The following DHX16 variants were observed in gnomAD, a reference collection of about 807,000 sequenced individuals.
The protein encoded by DHX16 is pre-mRNA-splicing factor ATP-dependent RNA helicase DHX16.
Under a neutral mutation model 131.2 loss-of-function variants are expected in DHX16, and 81 were observed. The ratio of observed to expected loss-of-function variants is 0.62; its 90% confidence interval spans 0.52 to 0.74. The LOEUF (loss-of-function observed/expected upper bound fraction) is 0.74. Among genes scored for constraint, DHX16 ranks in the 30% least tolerant of loss-of-function variants. DHX16 has a pLI of 0.00. For missense variants in DHX16, 980 were observed against 1,363.1 expected (o/e 0.72, Z 4.43); for synonymous variants, 440 against 520.2 (o/e 0.85, Z 2.10).
chr6:30,660,438 G>T, intron 9 of DHX16, 196 bp from the exon 10 acceptor site: 1 of 453,742 alleles, frequency 2.2e-6, no homozygotes, highest in Non-Finnish European at 3.8e-6. Flanking sequence ...AGGGCCCCAT[G>T]ATCTGCAACC....
At chr6:30,667,241 A>G (rs750466948) in intron 4 of DHX16, among the ~76,000 whole-genome samples, 4 of 152,190 alleles carry the variant, frequency 2.6e-5, no homozygotes, top group Non-Finnish European at 5.9e-5. Flanking sequence ...GCTCTTCTTT[A>G]TAGACAAATT....
chr6:30,672,817 G>A lies in DHX16; in HGVS notation c.25C>T (p.Arg9Cys), dbSNP rs1431282914. Reference protein sequence around the residue: MATPAGLERWVQDELHSVL... With the variant: MATPAGLECWVQDELHSVL... ...GAGTGCAGCTCGTCCTGAACCCAGC[G>A]CTCCAGACCCGCCGGCGTCGCCATG... Residue 9 changes from arginine (R) to cysteine (C), a missense_variant, in exon 1 of 20, where the codon CGC (arginine) becomes TGC (cysteine). Around this residue, in one of 3 missense-constraint regions of DHX16, gnomAD observed 457 missense variants for 554.8 expected, o/e 0.82. Coordinates refer to ENST00000376442, the MANE Select transcript of DHX16 (RefSeq NM_003587.5). The A allele has an allele frequency of 1.9e-6, 3 of 1,612,544 alleles. No homozygotes were observed. Among genetic ancestry groups the A allele is most frequent in the Non-Finnish European group, 2.5e-6 (3 of 1,179,822 alleles).
At chr6:30,658,412 AG>A (rs911320799) in intron 12 of DHX16, among the ~76,000 whole-genome samples, 1 of 152,024 alleles carries the variant, frequency 6.6e-6, no homozygotes, top group African/African-American at 2.4e-5. Context: ...GGCGTGGTGG[AG>A]GGCACCTGTA....
chr6:30,656,307 G>A lies in DHX16; in HGVS notation c.2431-42C>T, dbSNP rs1266733633. 3 of 1,612,436 alleles carry A rather than the reference G, an allele frequency of 1.9e-6. No homozygotes were observed. On this transcript the variant is annotated intron_variant, in intron 15 of 19. Coordinates refer to ENST00000376442, the MANE Select transcript of DHX16 (RefSeq NM_003587.5). The surrounding 1 kb of genome is among the most constrained non-coding windows in gnomAD (Gnocchi z 5.1). The stretch of plus-strand genomic sequence containing the variant: ...GAGAGTTGAGCCCAGTCCTCCCTCA[G>A]GTTTCCCGCTACTACTACAGGGGTC...
At chr6:30,657,360 G>T (rs1179712330) in intron 12 of DHX16, among the ~76,000 whole-genome samples, 1 of 151,596 alleles carries the variant, frequency 6.6e-6, no homozygotes, top group Non-Finnish European at 1.5e-5. Context: ...GGAAATGGGG[G>T]TGTTCAAGTT....
At position 30,662,683 on chromosome 6, in the gene DHX16, C is replaced by T. The variant is rs1768624280; in HGVS notation, c.1488G>A (p.Met496Ile). ...CTSERTVLRY[M>I]TDGMLLREFL... is the part of the protein sequence containing the mutation. ...ACTCCCGGAGAAGCATCCCATCTGT[C>T]ATGTAGCGGAGGACAGTTCGCTCTG... The change falls in exon 9 of 20, where the codon ATG becomes ATA. Residue 496 changes from methionine to isoleucine, a missense_variant. Physicochemically the swap from Met to Ile is conservative, Grantham distance 10. Around this residue, in one of 3 missense-constraint regions of DHX16, gnomAD observed 309 missense variants for 537.1 expected, o/e 0.58. Transcript: ENST00000376442. This position sits in a 1 kb window ranked among gnomAD's most constrained non-coding sequence, Gnocchi z 4.7. 1 of 1,613,004 alleles carries T rather than the reference C, an allele frequency of 6.2e-7. No homozygotes were observed. The highest frequency in any genetic ancestry group is 1.3e-5 in the African/African-American group (1 of 74,936).
rs1769711638 is a variant in DHX16 at position 30,672,855 on chromosome 6, C to G, written c.-14G>C. The G allele has an allele frequency of 6.2e-7, 1 of 1,612,000 alleles. No individual in the cohort carries two copies. Among genetic ancestry groups the G allele is most frequent in the Non-Finnish European group, 8.5e-7 (1 of 1,179,152 alleles). ...CGGCGTCGCCATGGCGACTCACGCTCCCTGCTCCCGGCCCTGAAGCGTCGG... is the reference window on the plus strand; with the variant it reads ...CGGCGTCGCCATGGCGACTCACGCTGCCTGCTCCCGGCCCTGAAGCGTCGG... On this transcript the variant is annotated 5_prime_UTR_variant, in exon 1 of 20. Coordinates refer to ENST00000376442, the MANE Select transcript of DHX16 (RefSeq NM_003587.5).
chr6:30,663,558 A>C (rs570683045), intron 7 of DHX16, among the ~76,000 whole-genome samples: 1 of 151,630 alleles, frequency 6.6e-6, no homozygotes, highest in African/African-American at 2.4e-5. Context: ...CCCGTCTACT[A>C]AAAATACAAA....
chr6:30,654,950 T>C, intron 18 of DHX16, 71 bp from the exon 19 acceptor site: 2 of 1,508,744 alleles, frequency 1.3e-6, no homozygotes, highest in South Asian at 1.3e-5. Flanking sequence ...TGCACTACCT[T>C]TTTAGTTCAG....
intron 19 of DHX16, among the ~76,000 whole-genome samples, 172 bp from the exon 20 acceptor site, chr6:30,653,542 A>G (rs967704914): frequency 6.6e-6 from 1 of 151,192 alleles, no homozygotes; most frequent in African/African-American, 2.4e-5. Context: ...CAAGTAGCTG[A>G]GACTACAGGC....
At chr6:30,659,436 G>C in intron 12 of DHX16, 36 bp downstream of exon 12, 1 of 1,559,706 alleles carries the variant, frequency 6.4e-7, no homozygotes, top group Admixed American at 1.9e-5. Context: ...GTTGTGGGAA[G>C]CATAGGGGTG....
intron 12 of DHX16, among the ~76,000 whole-genome samples, chr6:30,658,525 AGAGT>A (rs1023364937): frequency 1.3e-5 from 2 of 149,450 alleles, no homozygotes; most frequent in African/African-American, 5.0e-5. Flanking sequence ...CCTGGGCGAC[AGAGT>A]GAGACTCCAT....
chr6:30,653,213 T>C lies in DHX16; in HGVS notation c.*29A>G. 3 of 1,599,900 alleles carry C rather than the reference T, an allele frequency of 1.9e-6. No individual in the cohort carries two copies. Among genetic ancestry groups the C allele is most frequent in the Non-Finnish European group, 2.6e-6 (3 of 1,176,416 alleles). On this transcript the variant is annotated 3_prime_UTR_variant, in exon 20 of 20. Transcript: ENST00000376442. ...AATAATGTATAGAAGGAAAAGGAGCTGGTGTCAGGTTCTGTTTACGTCCTT... is the reference window on the plus strand; with the variant it reads ...AATAATGTATAGAAGGAAAAGGAGCCGGTGTCAGGTTCTGTTTACGTCCTT...
At chr6:30,659,666 C>T in intron 11 of DHX16, 42 bp from the exon 12 acceptor site, 1 of 1,613,376 alleles carries the variant, frequency 6.2e-7, no homozygotes, top group Non-Finnish European at 8.5e-7. Flanking sequence ...CCCAGAGTCA[C>T]AGAAGGCCAA....
rs1183312875 is a variant in DHX16 at position 30,656,558 on chromosome 6, A to C, written c.2311+39T>G. The C allele has an allele frequency of 6.2e-7, 1 of 1,613,966 alleles. No homozygotes were observed. The stretch of plus-strand genomic sequence containing the variant: ...AACAGAGTCCCTTCAAAGGACAGTG[A>C]CTCCAGCCCCTCCCTCCTCTCTCAG... On this transcript the variant is annotated intron_variant, in intron 14 of 19. Coordinates refer to ENST00000376442, the MANE Select transcript of DHX16 (RefSeq NM_003587.5). The surrounding 1 kb of genome is among the most constrained non-coding windows in gnomAD (Gnocchi z 5.1).
chr6:30,660,405 G>A, intron 9 of DHX16, 163 bp from the exon 10 acceptor site: 1 of 527,562 alleles, frequency 1.9e-6, no homozygotes, highest in Non-Finnish European at 3.1e-6. Flanking sequence ...CTTATGTAGA[G>A]CAACAGAAAG....
rs779192032 is a variant in DHX16, at chr6:30,659,763, C to A, written c.1827G>T (p.Gly609=). 2.0e-5 allele frequency: 32 copies of A among 1,614,154 alleles called. 1 individual carries two copies. In the South Asian group the frequency reaches 3.5e-4, roughly 18 times the overall value. The change falls in exon 11 of 20, where the codon GGG becomes GGT. Residue 609 remains glycine, a synonymous_variant. Transcript: ENST00000376442. ...GTCCTGTCAGGAACACCAGGATATC[C>A]CCAGGGGGCTGGGTCACATGGATCT... ...VLQIHVTQPP[G]DILVFLTGQE...
chr6:30,665,049 A>C lies in DHX16; in HGVS notation c.1125+22T>G, dbSNP rs780254046. ...AGCTCGCTACGGGTCTTCCTCAGAA[A>C]GTCTCCCAGCTCCCCTCTTACCTCA... is the stretch of plus-strand genomic sequence containing the variant. On this transcript the variant is annotated intron_variant, in intron 6 of 19. Transcript: ENST00000376442. This position sits in a 1 kb window ranked among gnomAD's most constrained non-coding sequence, Gnocchi z 4.8. 6.2e-6 allele frequency: 10 copies of C among 1,613,782 alleles called. No homozygotes were observed. In the East Asian group the frequency reaches 2.0e-4, roughly 32 times the overall value.
rs1355262095 is a variant in DHX16, at chr6:30,655,532, T to C, written c.2564A>G (p.Tyr855Cys). Reference sequence around the variant, plus strand: ...ATGGACGACCTTGTCCTTTGGTCGGTAGAAGATGGAGTTGTTGACAGAGAG... The same window carrying C: ...ATGGACGACCTTGTCCTTTGGTCGGCAGAAGATGGAGTTGTTGACAGAGAG... ...AMLSVNNSIF[Y>C]RPKDKVVHAD... The change falls in exon 17 of 20, where the codon TAC (tyrosine) becomes TGC (cysteine). Residue 855 changes from tyrosine (Y) to cysteine (C), a missense_variant. By Grantham distance (194) the Tyr-to-Cys change is radical. Around this residue, in one of 3 missense-constraint regions of DHX16, gnomAD observed 214 missense variants for 271.2 expected, o/e 0.79. Transcript: ENST00000376442. 6.8e-6 allele frequency: 11 copies of C among 1,612,932 alleles called. No homozygotes were observed. Among genetic ancestry groups the C allele is most frequent in the Admixed American group, 3.3e-5 (2 of 60,000 alleles).
Sources: gnomAD v4.1 joint callset for allele counts (sites outside exome capture counted in the v4.1 genomes callset) on GRCh38, gnomAD v4.1.1 for gene constraint, gnomAD v4.1.1 regional missense constraint, Gnocchi (gnomAD v3.1) non-coding constraint, MANE v1.5 for transcripts, NCBI Gene and HGNC (gene_info 2026-07-23, HGNC 2026-07-21) for gene names.